Variants in DPP10 observed in about 807,000 individuals in gnomAD.
DPP10 encodes dipeptidyl peptidase like 10.
A neutral mutation model predicts 120.9 loss-of-function variants in DPP10; 33 were observed. That is an observed-to-expected ratio of 0.27 (90% CI 0.21 to 0.37). The LOEUF (loss-of-function observed/expected upper bound fraction) is 0.37. Among genes scored for constraint, DPP10 ranks in the 10% least tolerant of loss-of-function variants. The probability of loss-of-function intolerance (pLI) is 1.00; values close to 1 mark genes in which losing one functional copy is unlikely to be tolerated. For missense variants in DPP10, 816 were observed against 942.8 expected, an observed-to-expected ratio of 0.87 and a Z score of 1.76; for synonymous variants, 337 against 326.1, an observed-to-expected ratio of 1.03 and a Z score of -0.36.
chr2:114,935,843 AT>A (rs1696419180), intron 1 of DPP10, among the ~76,000 whole-genome samples: 1 of 150,008 alleles, frequency 6.7e-6, no homozygotes, highest in Non-Finnish European at 1.5e-5. Context: ...CTGGCTGCAC[AT>A]TAAACTAAAA....
At chr2:115,118,929 G>A (rs1337260101) in intron 1 of DPP10, among the ~76,000 whole-genome samples, 1 of 152,112 alleles carries the variant, frequency 6.6e-6, no homozygotes, top group African/African-American at 2.4e-5. Context: ...GCAAGTTTAA[G>A]AGCAGGAGTG....
In DPP10 at chr2:115,281,292, C is replaced by T. The variant is rs548701549; in HGVS notation, c.61-27947C>T. Among the ~76,000 whole-genome samples the T allele has an allele frequency of 2.6e-5, 4 of 152,308 alleles. No individual in the cohort carries two copies. The East Asian group carries it at 5.8e-4, about 22-fold the overall frequency. On this transcript the variant is annotated intron_variant, in intron 1 of 25. Coordinates refer to ENST00000410059, the MANE Select transcript of DPP10 (RefSeq NM_020868.6). ...AAAGTAAGCCTCTGTGCTTGCTGAT[C>T]TGTGTTCCGAAGACTTATTCTCCCT...
chr2:115,133,135 GTGTGTGTGTGTA>G (rs1385146331), intron 1 of DPP10, among the ~76,000 whole-genome samples: 3 of 64,148 alleles, frequency 4.7e-5, no homozygotes, highest in African/African-American at 7.7e-5. Context: ...GTGTGTGTGT[GTGTGTGTGTGTA>G]TATATATATA....
intron 5 of DPP10, among the ~76,000 whole-genome samples, chr2:115,566,275 T>C (rs1041326366): frequency 2.6e-5 from 4 of 152,124 alleles, no homozygotes; most frequent in Admixed American, 6.5e-5. Context: ...ATATATCTTA[T>C]ATACGTTTTT....
At chr2:115,459,060 G>C (rs1043612711) in intron 3 of DPP10, among the ~76,000 whole-genome samples, 5 of 151,982 alleles carry the variant, frequency 3.3e-5, no homozygotes. Context: ...AAACAGCATT[G>C]GTTAGCAACT....
rs376939933 is a variant in DPP10, at chr2:115,468,742, G to A, written c.272-30768G>A. 1.0e-5 allele frequency: 4 copies of A among 396,672 alleles called. No individual in the cohort carries two copies. The East Asian group carries it at 1.9e-4, about 19-fold the overall frequency. 24.6% of individuals were successfully genotyped at this position (396,672 alleles called of 1,614,324 possible). A position where few individuals can be genotyped will look rare whatever the true frequency, so the allele number is the denominator to read the frequency against. ...AGGAAGAAGAATTTCAGGATGAATG[G>A]CCTACTGTAGCTCCTGAGTTTGCTG... On this transcript the variant is annotated intron_variant, in intron 3 of 25. Coordinates refer to ENST00000410059, the MANE Select transcript of DPP10 (RefSeq NM_020868.6).
At chr2:114,463,195 C>T (rs1679074923) in intron 1 of DPP10, among the ~76,000 whole-genome samples, 1 of 152,106 alleles carries the variant, frequency 6.6e-6, no homozygotes, top group African/African-American at 2.4e-5. Flanking sequence ...GTATACATAT[C>T]TATAATTATT....
intron 1 of DPP10, among the ~76,000 whole-genome samples, chr2:115,205,677 C>A (rs996501765): frequency 6.6e-6 from 1 of 152,066 alleles, no homozygotes; most frequent in African/African-American, 2.4e-5. Context: ...CACATATACA[C>A]CATAGAATAT....
At chr2:114,877,154 C>T (rs1691227271) in intron 1 of DPP10, among the ~76,000 whole-genome samples, 2 of 152,020 alleles carry the variant, frequency 1.3e-5, no homozygotes, top group Admixed American at 6.6e-5. Flanking sequence ...TTTGTTCTTA[C>T]CAGAACAGTA....
chr2:115,270,168 C>T (rs2059637892), intron 1 of DPP10, among the ~76,000 whole-genome samples: 1 of 151,486 alleles, frequency 6.6e-6, no homozygotes, highest in Admixed American at 6.6e-5. Flanking sequence ...ACCTTTGCAG[C>T]TCTTGTCTGT....
In DPP10 at chr2:114,653,441, C is replaced by A. The variant is rs139180854; in HGVS notation, c.60+210603C>A. Among the ~76,000 whole-genome samples the A allele has an allele frequency of 4.0e-3, 614 of 152,246 alleles. 4 individuals carry two copies. The highest frequency in any genetic ancestry group is 0.014 in the African/African-American group (583 of 41,536). On this transcript the variant is annotated intron_variant, in intron 1 of 25. Transcript: ENST00000410059. Reference sequence around the variant, plus strand: ...TCCAGGATTGTGACAGAATAAATTTCCATTTTTCTAAAAGTCACCCAGTTT... The same window carrying A: ...TCCAGGATTGTGACAGAATAAATTTACATTTTTCTAAAAGTCACCCAGTTT...
chr2:114,473,057 C>T (rs1372906631), intron 1 of DPP10, among the ~76,000 whole-genome samples: 1 of 152,176 alleles, frequency 6.6e-6, no homozygotes, highest in Non-Finnish European at 1.5e-5. Context: ...TGGGCCAAAT[C>T]TGGGTGGTGT....
At chr2:115,768,776 A>G (rs1174080024) in intron 13 of DPP10, among the ~76,000 whole-genome samples, 1 of 152,172 alleles carries the variant, frequency 6.6e-6, no homozygotes, top group Non-Finnish European at 1.5e-5. Context: ...TCCAGGTGTT[A>G]TAAAAGTTTT....
chr2:115,402,917 GTATATATATATGTATATATATA>G (rs2068203672), intron 3 of DPP10, among the ~76,000 whole-genome samples: 2 of 134,426 alleles, frequency 1.5e-5, no homozygotes, highest in South Asian at 2.2e-4. Flanking sequence ...ATATATGTGT[GTATATATATATGTATATATATA>G]TGTGTGTGTG....
intron 1 of DPP10, among the ~76,000 whole-genome samples, chr2:114,904,227 G>T (rs1165725801): frequency 2.0e-5 from 3 of 152,118 alleles, no homozygotes; most frequent in Non-Finnish European, 2.9e-5. Flanking sequence ...GCCATGAAAA[G>T]AATTTGATAA....
At chr2:114,536,359 T>A (rs1686485599) in intron 1 of DPP10, among the ~76,000 whole-genome samples, 1 of 152,094 alleles carries the variant, frequency 6.6e-6, no homozygotes, top group South Asian at 2.1e-4. Flanking sequence ...TTAAGGTAAC[T>A]TTAGTGTATT....
intron 1 of DPP10, among the ~76,000 whole-genome samples, chr2:114,809,011 G>T (rs1168255514): frequency 2.8e-5 from 4 of 141,092 alleles, no homozygotes; most frequent in African/African-American, 1.0e-4. Flanking sequence ...ACTGCTTTTT[G>T]AATTAATGCA....
chr2:115,734,852 G>A (rs550169076), intron 8 of DPP10, among the ~76,000 whole-genome samples: 6 of 152,110 alleles, frequency 3.9e-5, no homozygotes, highest in African/African-American at 1.2e-4. Flanking sequence ...AAGGTGGCAC[G>A]TTCAAAAGGG....
At chr2:114,838,538 C>A (rs1303295967) in intron 1 of DPP10, among the ~76,000 whole-genome samples, 1 of 152,124 alleles carries the variant, frequency 6.6e-6, no homozygotes, top group African/African-American at 2.4e-5. Flanking sequence ...TGGTCTTGAA[C>A]TTCTGACCTC....
Sources: allele counts gnomAD v4.1 joint callset (sites outside exome capture counted in the v4.1 genomes callset), GRCh38; gene constraint gnomAD v4.1.1; transcripts MANE v1.5; gene names NCBI Gene and HGNC (gene_info 2026-07-23, HGNC 2026-07-21).